Variants in EVI5 observed in about 807,000 individuals in gnomAD.
EVI5 encodes ecotropic viral integration site 5, also known as ecotropic viral integration site 5 protein homolog.
EVI5 carries 73 observed loss-of-function variants against 112.0 expected under a neutral mutation model. That is an observed-to-expected ratio of 0.65 (90% CI 0.54 to 0.79). EVI5 has a LOEUF of 0.79. Among genes scored for constraint, EVI5 ranks in the 30% least tolerant of loss-of-function variants. The pLI, the probability that EVI5 is intolerant of heterozygous loss-of-function variation, is 0.00. For synonymous variants in EVI5, 305 were observed against 319.9 expected, an observed-to-expected ratio of 0.95 and a Z score of 0.50; for missense variants, 900 against 968.8, an observed-to-expected ratio of 0.93 and a Z score of 0.94.
chr1:92,528,550 A>G (rs1662311591), intron 19 of EVI5, among the ~76,000 whole-genome samples: 1 of 152,212 alleles, frequency 6.6e-6, no homozygotes, highest in African/African-American at 2.4e-5. Context: ...AATGGAAATA[A>G]CTCAAATGTT....
At chr1:92,667,737 T>A (rs1665161549) in intron 10 of EVI5, among the ~76,000 whole-genome samples, 1 of 152,176 alleles carries the variant, frequency 6.6e-6, no homozygotes, top group Admixed American at 6.5e-5. Flanking sequence ...TGACTCAGCC[T>A]CCTGAGTAGC....
intron 14 of EVI5, among the ~76,000 whole-genome samples, chr1:92,626,523 GT>G (rs1339664010): frequency 6.6e-6 from 1 of 152,136 alleles, no homozygotes; most frequent in African/African-American, 2.4e-5. Flanking sequence ...GGCTTTCCAT[GT>G]TCTTAAGATA....
At chr1:92,515,033 C>T (rs969817963) in intron 19 of EVI5, among the ~76,000 whole-genome samples, 3 of 152,138 alleles carry the variant, frequency 2.0e-5, no homozygotes, top group Non-Finnish European at 4.4e-5. Flanking sequence ...TGCCTTCTCT[C>T]CCCAACTCCC....
In EVI5 at chr1:92,551,040, C is replaced by CTTTTTTTTTTTTTTTTTTTTTTTTTTT. The variant is rs55898086; in HGVS notation, c.2166+12601_2166+12602insAAAAAAAAAAAAAAAAAAAAAAAAAAA. Among the ~76,000 whole-genome samples, 82 of 80,728 alleles carry CTTTTTTTTTTTTTTTTTTTTTTTTTTT rather than the reference C, an allele frequency of 1.0e-3. 2 individuals are homozygous for CTTTTTTTTTTTTTTTTTTTTTTTTTTT. The highest frequency in any genetic ancestry group is 1.8e-3 in the East Asian group (4 of 2,164). 53.0% of individuals were successfully genotyped at this position (80,728 alleles called of 152,430 possible). A position where few individuals can be genotyped will look rare whatever the true frequency, so the allele number is the denominator to read the frequency against. ...TCTTTTTTCTTTTCTTTCTTTCTTT[C>CTTTTTTTTTTTTTTTTTTTTTTTTTTT]TTTTTTTTTTTTTTTTTTTTGAGAC... On this transcript the variant is annotated intron_variant, in intron 19 of 19. Coordinates refer to ENST00000684568, the MANE Select transcript of EVI5 (RefSeq NM_001350197.2).
Position 92,624,179 on chromosome 1 carries a change from T to G in EVI5, c.1824A>C (p.Thr608=), listed in dbSNP as rs771753302. 3 of 1,613,280 alleles carry G rather than the reference T, an allele frequency of 1.9e-6. No individual in the cohort carries two copies. The highest frequency in any genetic ancestry group is 2.5e-6 in the Non-Finnish European group (3 of 1,179,402). The change falls in exon 16 of 20, where the codon ACA becomes ACC. Residue 608 remains threonine (T), a synonymous_variant. Coordinates refer to ENST00000684568, the MANE Select transcript of EVI5 (RefSeq NM_001350197.2). ...EIKQRMMEME[T]QNQINSNHLR... is the part of the protein sequence containing the mutation. ...ATACTGGGCTTTCCCATCATACCTG[T>G]GTTTCCATTTCCATCATCCTTTGTT...
At chr1:92,519,768 C>T (rs141961950) in intron 19 of EVI5, among the ~76,000 whole-genome samples, 175 of 151,596 alleles carry the variant, frequency 1.2e-3, no homozygotes, top group African/African-American at 3.9e-3. Flanking sequence ...TGGTGGTGCA[C>T]GCCTGTAATC....
intron 19 of EVI5, among the ~76,000 whole-genome samples, chr1:92,525,667 T>G (rs1408285580): frequency 1.3e-5 from 2 of 152,182 alleles, no homozygotes; most frequent in African/African-American, 2.4e-5. Context: ...TATAATAATT[T>G]GTTTGAAATT....
At chr1:92,557,871 C>T (rs185895504) in intron 19 of EVI5, among the ~76,000 whole-genome samples, 56 of 150,926 alleles carry the variant, frequency 3.7e-4, no homozygotes, top group South Asian at 2.6e-3. Flanking sequence ...ACTACAGGCG[C>T]GCACCACCAC....
At chr1:92,687,509 G>A (rs796113355) in intron 9 of EVI5, among the ~76,000 whole-genome samples, 1 of 152,052 alleles carries the variant, frequency 6.6e-6, no homozygotes, top group Admixed American at 6.6e-5. Context: ...AACACCAAAA[G>A]CAATGGCAAC....
rs913984193 is a variant in EVI5 at position 92,613,659 on chromosome 1, G to A, written c.1828-5932C>T. 2.0e-5 allele frequency among the ~76,000 whole-genome samples: 3 copies of A among 152,192 alleles called. No individual in the cohort carries two copies. In the South Asian group the frequency reaches 6.2e-4, roughly 32 times the overall value. ...TAGGCTGGAGTGCAGAGGTGTCATA[G>A]TTCACTACAGCCTCAAACTCCTGGG... On this transcript the variant is annotated intron_variant, in intron 16 of 19. Transcript: ENST00000684568.
chr1:92,782,954 G>A (rs1356995614), intron 1 of EVI5, among the ~76,000 whole-genome samples: 1 of 151,916 alleles, frequency 6.6e-6, no homozygotes, highest in East Asian at 1.9e-4. Context: ...TGGGTAGCTC[G>A]GACTACCAGC....
At chr1:92,654,772 C>A (rs1406889639) in intron 13 of EVI5, among the ~76,000 whole-genome samples, 1 of 151,860 alleles carries the variant, frequency 6.6e-6, no homozygotes, top group Non-Finnish European at 1.5e-5. Flanking sequence ...AAAATCAACA[C>A]CAAGAAATCT....
intron 13 of EVI5, among the ~76,000 whole-genome samples, chr1:92,646,316 TCTTTA>T (rs1660956739): frequency 1.3e-5 from 2 of 152,216 alleles, no homozygotes; most frequent in Admixed American, 6.5e-5. Flanking sequence ...ATGCAGTGGC[TCTTTA>T]CTTTGCTGAC....
In EVI5 at chr1:92,665,864, T is replaced by G. The variant is rs1017076612; in HGVS notation, c.1212+75A>C. ...CATAGGAGACATGTGCCAGAATTTT[T>G]GAGGATTTTTAATAAATATACAGAA... is the stretch of plus-strand genomic sequence containing the variant. On this transcript the variant is annotated intron_variant, in intron 11 of 19. Transcript: ENST00000684568. 2.9e-5 allele frequency: 30 copies of G among 1,052,064 alleles called. No homozygotes were observed. The African/African-American group carries it at 4.5e-4, about 16-fold the overall frequency. 65.2% of individuals were successfully genotyped at this position (1,052,064 alleles called of 1,614,324 possible). A position where few individuals can be genotyped will look rare whatever the true frequency, so the allele number is the denominator to read the frequency against.
chr1:92,689,550 T>C (rs1395389063), intron 9 of EVI5, among the ~76,000 whole-genome samples: 1 of 152,128 alleles, frequency 6.6e-6, no homozygotes, highest in Non-Finnish European at 1.5e-5. Context: ...TATTTTTTTG[T>C]AGAGACAAAG....
chr1:92,759,102 C>T (rs1287202864), intron 1 of EVI5, among the ~76,000 whole-genome samples: 7 of 151,936 alleles, frequency 4.6e-5, no homozygotes, highest in Non-Finnish European at 7.4e-5. Flanking sequence ...TGGTGGCGCA[C>T]GTTCCAGATA....
intron 1 of EVI5, among the ~76,000 whole-genome samples, chr1:92,774,566 G>A (rs1258906830): frequency 6.6e-6 from 1 of 152,142 alleles, no homozygotes; most frequent in African/African-American, 2.4e-5. Context: ...AGCAAGTTTT[G>A]TTCCTATCTC....
intron 2 of EVI5, among the ~76,000 whole-genome samples, chr1:92,724,890 G>A (rs999978701): frequency 6.6e-6 from 1 of 152,144 alleles, no homozygotes; most frequent in Non-Finnish European, 1.5e-5. Flanking sequence ...CGGGACATAA[G>A]TAAAGTAAAC....
intron 18 of EVI5, among the ~76,000 whole-genome samples, chr1:92,573,996 A>C (rs1215729477): frequency 6.6e-6 from 1 of 152,116 alleles, no homozygotes; most frequent in Admixed American, 6.5e-5. Context: ...TATGGAAACA[A>C]TGAATCTTAT....
Sources: allele counts gnomAD v4.1 joint callset (sites outside exome capture counted in the v4.1 genomes callset), GRCh38; gene constraint gnomAD v4.1.1; transcripts MANE v1.5; gene names NCBI Gene and HGNC (gene_info 2026-07-23, HGNC 2026-07-21).